VPS26A: variants seen among roughly 807,000 people sequenced by gnomAD.
VPS26A encodes vacuolar protein sorting-associated protein 26A.
In VPS26A, 22 loss-of-function variants were observed where a neutral mutation model predicts 42.4. The observed-to-expected ratio is 0.52, with a 90% CI of 0.37 to 0.74. The LOEUF is 0.74. VPS26A is among the 30% of genes least tolerant of loss of function. VPS26A has a pLI of 0.00. For synonymous variants in VPS26A, 110 were observed against 123.5 expected (o/e 0.89, Z 0.73); for missense variants, 276 against 379.2 (o/e 0.73, Z 2.26).
chr10:69,167,958 T>A (rs1051765773), intron 7 of VPS26A, among the ~76,000 whole-genome samples: 1 of 152,200 alleles, frequency 6.6e-6, no homozygotes, highest in Non-Finnish European at 1.5e-5. Flanking sequence ...AAACAACTTA[T>A]AGAGCACTTA....
chr10:69,151,282 A>ACAAAC (rs1554854470), intron 2 of VPS26A, among the ~76,000 whole-genome samples: 2 of 136,776 alleles, frequency 1.5e-5, no homozygotes, highest in South Asian at 2.2e-4. Flanking sequence ...AAAAAAAAAA[A>ACAAAC]ACACACACAC....
intron 2 of VPS26A, among the ~76,000 whole-genome samples, chr10:69,145,548 A>G (rs2132208960): frequency 6.6e-6 from 1 of 152,214 alleles, no homozygotes; most frequent in East Asian, 1.9e-4. Context: ...CACAGGAGTC[A>G]AATGTATTTT....
intron 2 of VPS26A, among the ~76,000 whole-genome samples, chr10:69,133,373 C>G (rs1451135108): frequency 6.6e-6 from 1 of 151,844 alleles, no homozygotes; most frequent in East Asian, 1.9e-4. Context: ...ACAGTTTCTT[C>G]AGATCGGAGC....
intron 1 of VPS26A, 134 bp from the exon 2 acceptor site, chr10:69,132,764 T>A (rs1264466094): frequency 1.1e-5 from 10 of 934,958 alleles, no homozygotes; most frequent in Non-Finnish European, 1.5e-5. Context: ...ATTTGATATA[T>A]GTTTTTATCA....
intron 8 of VPS26A, among the ~76,000 whole-genome samples, chr10:69,169,243 C>CATTATT (rs200634809): frequency 6.3e-4 from 94 of 150,320 alleles, no homozygotes; most frequent in African/African-American, 2.0e-3. Context: ...AACAAATATA[C>CATTATT]ATTATTATTA....
chr10:69,142,475 T>C (rs1228099404), intron 2 of VPS26A, among the ~76,000 whole-genome samples: 1 of 152,084 alleles, frequency 6.6e-6, no homozygotes. Context: ...ATTATAGGCA[T>C]GAGCCACTGT....
intron 2 of VPS26A, among the ~76,000 whole-genome samples, chr10:69,143,822 T>C (rs1458179992): frequency 6.6e-6 from 1 of 152,158 alleles, no homozygotes; most frequent in Non-Finnish European, 1.5e-5. Context: ...GCTCAGGCGA[T>C]CCTCTCACCT....
rs908554287 is a variant in VPS26A at position 69,124,272 on chromosome 10, T to C, written c.-6T>C. 9 of 1,277,890 alleles carry C rather than the reference T, an allele frequency of 7.0e-6. No homozygotes were observed. Among genetic ancestry groups the C allele is most frequent in the African/African-American group, 4.6e-5 (3 of 65,262 alleles). The allele number at this position is 1,277,890 out of a possible 1,614,324, so 79.2% of individuals were successfully genotyped here. On this transcript the variant is annotated 5_prime_UTR_variant, in exon 1 of 9. Transcript: ENST00000263559. ...GAGTAGGGGGGACGCGGCGGCGGCG[T>C]TGACAATGGTGAGTGCGCGGCGGCC...
intron 2 of VPS26A, among the ~76,000 whole-genome samples, chr10:69,140,622 C>T (rs1841020230): frequency 6.6e-6 from 1 of 151,990 alleles, no homozygotes; most frequent in Non-Finnish European, 1.5e-5. Context: ...TGAGCTCAGG[C>T]GATCCACCTG....
chr10:69,148,366 CAG>C (rs1564679322), intron 2 of VPS26A, among the ~76,000 whole-genome samples: 1 of 152,078 alleles, frequency 6.6e-6, no homozygotes, highest in Non-Finnish European at 1.5e-5. Flanking sequence ...AAAGTCAACA[CAG>C]GGGTTGACTT....
chr10:69,171,384 A>G lies in VPS26A; in HGVS notation c.*115A>G. 1.3e-6 allele frequency: 1 copy of G among 749,858 alleles called. No individual in the cohort carries two copies. The highest frequency in any genetic ancestry group is 2.6e-5 in the East Asian group (1 of 37,778). 46.5% of individuals were successfully genotyped at this position (749,858 alleles called of 1,614,324 possible). A position where few individuals can be genotyped will look rare whatever the true frequency, so the allele number is the denominator to read the frequency against. On this transcript the variant is annotated 3_prime_UTR_variant, in exon 9 of 9. Coordinates refer to ENST00000263559, the MANE Select transcript of VPS26A (RefSeq NM_004896.5). ...GCGGAAAAAGGCCAAAACTCCATAT[A>G]TGTTAGTCTTCCTTTATCTTACAGC...
rs1841574782 is a variant in VPS26A at position 69,162,010 on chromosome 10, T to C, written c.552-396T>C. On this transcript the variant is annotated intron_variant, in intron 5 of 8. Transcript: ENST00000263559. ...AAAATAGTACTTTTTTTTTTTTTTT[T>C]TTGAGATGGAGTCTTGCTGTCACCC... is the stretch of plus-strand genomic sequence containing the variant. 5 of 159,538 alleles carry C rather than the reference T, an allele frequency of 3.1e-5. No homozygotes were observed. In the South Asian group the frequency reaches 7.2e-4, roughly 23 times the overall value. The allele number at this position is 159,538 out of a possible 1,614,324, so 9.9% of individuals were successfully genotyped here.
At chr10:69,163,490 A>G (rs1841608988) in intron 6 of VPS26A, among the ~76,000 whole-genome samples, 1 of 152,146 alleles carries the variant, frequency 6.6e-6, no homozygotes, top group South Asian at 2.1e-4. Context: ...TGCTATCAGC[A>G]GTGAATGTAG....
chr10:69,129,300 C>T (rs1840725134), intron 1 of VPS26A, among the ~76,000 whole-genome samples: 1 of 152,152 alleles, frequency 6.6e-6, no homozygotes, highest in African/African-American at 2.4e-5. Context: ...GCTATACATT[C>T]TCATTTCTGT....
At chr10:69,170,752 G>C (rs1026015585) in intron 8 of VPS26A, among the ~76,000 whole-genome samples, 3 of 152,180 alleles carry the variant, frequency 2.0e-5, no homozygotes, top group Non-Finnish European at 4.4e-5. Flanking sequence ...CAATGTGCTG[G>C]AGGATTAACC....
chr10:69,133,211 C>CTT lies in VPS26A; in HGVS notation c.153+165_153+166insTT, dbSNP rs1309949893. Reference sequence around the variant, plus strand: ...TTGATTGATTAGAAGATAATCTTTCCTGCAAAGGAAAGATTCTTACCCTGG... The same window carrying CTT: ...TTGATTGATTAGAAGATAATCTTTCCTTTGCAAAGGAAAGATTCTTACCCTGG... On this transcript the variant is annotated intron_variant, in intron 2 of 8. Transcript: ENST00000263559. Among the ~76,000 whole-genome samples the CTT allele has an allele frequency of 2.6e-5, 4 of 151,554 alleles. No individual in the cohort carries two copies. The East Asian group carries it at 7.7e-4, about 29-fold the overall frequency.
intron 6 of VPS26A, among the ~76,000 whole-genome samples, chr10:69,164,704 G>C (rs530279751): frequency 6.6e-6 from 1 of 152,084 alleles, no homozygotes; most frequent in Admixed American, 6.5e-5. Flanking sequence ...ATAATTTTCT[G>C]TGCTTGATTC....
chr10:69,140,801 T>C (rs1841023545), intron 2 of VPS26A, among the ~76,000 whole-genome samples: 1 of 152,218 alleles, frequency 6.6e-6, no homozygotes, highest in Admixed American at 6.5e-5. Context: ...GCAAAACTCC[T>C]TCCAGCGTTA....
chr10:69,160,348 C>T lies in VPS26A; in HGVS notation c.552-2058C>T, dbSNP rs1287118890. Among the ~76,000 whole-genome samples, 14 of 150,926 alleles carry T rather than the reference C, an allele frequency of 9.3e-5. No individual in the cohort carries two copies. The South Asian group carries it at 1.0e-3, about 11-fold the overall frequency. The stretch of plus-strand genomic sequence containing the variant: ...CTAATTTTTGTATTTTTAGTGGAGA[C>T]GGGGTTTCACCATGTTGGTCAGGCT... On this transcript the variant is annotated intron_variant, in intron 5 of 8. Coordinates refer to ENST00000263559, the MANE Select transcript of VPS26A (RefSeq NM_004896.5).
Sources: gnomAD v4.1 joint callset for allele counts (sites outside exome capture counted in the v4.1 genomes callset) on GRCh38, gnomAD v4.1.1 for gene constraint, MANE v1.5 for transcripts, NCBI Gene and HGNC (gene_info 2026-07-23, HGNC 2026-07-21) for gene names.